UTS2B: variants seen among roughly 807,000 people sequenced by gnomAD.
The protein encoded by UTS2B is urotensin 2B, also known as urotensin-2B.
Under a neutral mutation model 19.2 loss-of-function variants are expected in UTS2B, and 21 were observed. That is an observed-to-expected ratio of 1.09 (90% CI 0.78 to 1.58). The LOEUF is 1.58. Ranked by LOEUF, UTS2B falls within the 40% of genes most tolerant of loss-of-function variation. UTS2B has a pLI of 0.00. For missense variants in UTS2B, 138 were observed against 130.3 expected (o/e 1.06, Z -0.29); for synonymous variants, 57 against 50.2 (o/e 1.14, Z -0.58).
At chr3:191,296,791 A>C (rs1716868935) in intron 4 of UTS2B, among the ~76,000 whole-genome samples, 1 of 152,188 alleles carries the variant, frequency 6.6e-6, no homozygotes, top group Admixed American at 6.5e-5. Flanking sequence ...GGGAATTTCA[A>C]ATCCAGAATC....
In UTS2B at chr3:191,282,192, TA is replaced by T; in HGVS notation, c.-4del. The T allele has an allele frequency of 9.4e-6, 15 of 1,597,772 alleles. No individual in the cohort carries two copies. Among genetic ancestry groups the T allele is most frequent in the African/African-American group, 1.3e-5 (1 of 74,400 alleles). The stretch of plus-strand genomic sequence containing the variant: ...GTGCTTGAGAGGATCTTGTTCATGT[TA>T]AAAAAAACCTTCTGGACTAGCAAAG... On this transcript the variant is annotated 5_prime_UTR_variant, in exon 5 of 9. Coordinates refer to ENST00000340524, the MANE Select transcript of UTS2B (RefSeq NM_198152.5).
At chr3:191,311,574 T>G (rs1234284931) in intron 3 of UTS2B, among the ~76,000 whole-genome samples, 1 of 152,218 alleles carries the variant, frequency 6.6e-6, no homozygotes, top group Non-Finnish European at 1.5e-5. Flanking sequence ...CCCATGGTAC[T>G]ATTCCAACGG....
chr3:191,292,414 G>T (rs1006560852), intron 4 of UTS2B, among the ~76,000 whole-genome samples: 1 of 152,082 alleles, frequency 6.6e-6, no homozygotes, highest in African/African-American at 2.4e-5. Context: ...TTCTTTGCTA[G>T]GACATGAAAT....
intron 2 of UTS2B, among the ~76,000 whole-genome samples, chr3:191,317,018 C>T (rs1028658301): frequency 8.5e-5 from 13 of 152,276 alleles, no homozygotes; most frequent in Non-Finnish European, 1.9e-4. Flanking sequence ...GCCTGCACTC[C>T]TCATCCCTTG....
the UTS2B span, among the ~76,000 whole-genome samples, chr3:191,341,307 G>T: frequency 6.6e-6 from 1 of 152,156 alleles, no homozygotes; most frequent in Non-Finnish European, 1.5e-5. Flanking sequence ...AGTAGCAGAT[G>T]CTTTCTTTCG....
chr3:191,312,182 C>G (rs1288339508), intron 3 of UTS2B, among the ~76,000 whole-genome samples: 2 of 150,780 alleles, frequency 1.3e-5, no homozygotes, highest in South Asian at 4.2e-4. Context: ...ATCTCCACTT[C>G]ATTTAGTGTA....
At chr3:191,292,360 C>T (rs912070798) in intron 4 of UTS2B, among the ~76,000 whole-genome samples, 3 of 152,096 alleles carry the variant, frequency 2.0e-5, no homozygotes, top group Admixed American at 1.3e-4. Flanking sequence ...ATTTTTGATG[C>T]TATTTCAAGT....
chr3:191,299,158 C>T (rs979867476), intron 4 of UTS2B, among the ~76,000 whole-genome samples: 1 of 152,110 alleles, frequency 6.6e-6, no homozygotes, highest in African/African-American at 2.4e-5. Flanking sequence ...TGCAGCTCAG[C>T]CATATAGTAG....
At chr3:191,303,530 TA>T (rs56081437) in intron 4 of UTS2B, among the ~76,000 whole-genome samples, 6,796 of 148,244 alleles carry the variant, frequency 0.046, 234 homozygotes, top group East Asian at 0.14. Context: ...CACATTTCCT[TA>T]AAAAAAAAAA....
At chr3:191,327,759 A>T (rs926445482) in intron 2 of UTS2B, among the ~76,000 whole-genome samples, 1 of 152,216 alleles carries the variant, frequency 6.6e-6, no homozygotes, top group Non-Finnish European at 1.5e-5. Context: ...GAGAAGTAGA[A>T]ACGATAGATT....
At chr3:191,312,151 CAA>C (rs1217233342) in intron 3 of UTS2B, among the ~76,000 whole-genome samples, 25 of 77,118 alleles carry the variant, frequency 3.2e-4, no homozygotes, top group Admixed American at 7.1e-4. Flanking sequence ...GATTCTGTCT[CAA>C]AAAAAAAAAA....
At chr3:191,329,823 C>A in intron 1 of UTS2B, 7 of 1,242,138 alleles carry the variant, frequency 5.6e-6, no homozygotes, top group Non-Finnish European at 8.0e-6. Context: ...GCGGCCCTCG[C>A]CCGGTGCCCG....
At chr3:191,307,837 CTT>C (rs34254108) in intron 3 of UTS2B, among the ~76,000 whole-genome samples, 30,273 of 137,938 alleles carry the variant, frequency 0.22, 2,803 homozygotes, top group Admixed American at 0.27. Context: ...GTTTTCTTCT[CTT>C]TTTTTTTTTT....
At chr3:191,327,934 C>T (rs1483381138) in intron 2 of UTS2B, among the ~76,000 whole-genome samples, 6 of 152,176 alleles carry the variant, frequency 3.9e-5, no homozygotes, top group African/African-American at 9.7e-5. Flanking sequence ...GTTATCTCTG[C>T]CTAGCACTGG....
chr3:191,273,187 A>T (rs1354016355), intron 8 of UTS2B, among the ~76,000 whole-genome samples: 1 of 152,214 alleles, frequency 6.6e-6, no homozygotes, highest in Non-Finnish European at 1.5e-5. Flanking sequence ...GAGTGGCCAC[A>T]TTATATCTGA....
At chr3:191,341,744 T>G in the UTS2B span, among the ~76,000 whole-genome samples, 1 of 152,216 alleles carries the variant, frequency 6.6e-6, no homozygotes, top group African/African-American at 2.4e-5. Flanking sequence ...ACCCCACTCT[T>G]GTGAAACTGC....
rs780639854 is a variant in UTS2B at position 191,276,810 on chromosome 3, G to C, written c.237C>G (p.Asn79Lys). Reference protein sequence around the residue: ...LALPNKLEELNQLEKLKEQLV... With the variant: ...LALPNKLEELKQLEKLKEQLV... ...TTTAAGTATTTCACATTCTCACCTGGTTAAGTTCTTCCAGTTTGTTAGGTA... is the reference window on the plus strand; with the variant it reads ...TTTAAGTATTTCACATTCTCACCTGCTTAAGTTCTTCCAGTTTGTTAGGTA... The change falls in exon 7 of 9, where the codon AAC (asparagine) becomes AAG (lysine). Residue 79 changes from asparagine to lysine, a missense_variant. Asn to Lys is a moderately conservative substitution (Grantham distance 94, BLOSUM62 0). Transcript: ENST00000340524. The C allele has an allele frequency of 1.2e-6, 2 of 1,611,442 alleles. No individual in the cohort carries two copies. The highest frequency in any genetic ancestry group is 1.7e-6 in the Non-Finnish European group (2 of 1,178,894).
chr3:191,336,569 A>G, the UTS2B span, among the ~76,000 whole-genome samples: 1 of 152,106 alleles, frequency 6.6e-6, no homozygotes, highest in Admixed American at 6.6e-5. Context: ...TACAGTTCTT[A>G]CTAGATACAC....
intron 4 of UTS2B, among the ~76,000 whole-genome samples, chr3:191,285,671 G>C (rs1319720505): frequency 2.0e-5 from 3 of 152,168 alleles, no homozygotes. Context: ...GGAGGCTGAG[G>C]TGGGTGGATC....
Sources: gnomAD v4.1 joint callset for allele counts (sites outside exome capture counted in the v4.1 genomes callset) on GRCh38, gnomAD v4.1.1 for gene constraint, MANE v1.5 for transcripts, NCBI Gene and HGNC (gene_info 2026-07-23, HGNC 2026-07-21) for gene names.